Variants in CEP162 observed in about 807,000 individuals in gnomAD.
CEP162 encodes the protein centrosomal protein 162.
CEP162 carries 141 observed loss-of-function variants against 169.2 expected under a neutral mutation model. The observed-to-expected ratio is 0.83, with a 90% CI of 0.73 to 0.96. The LOEUF is 0.96. Among genes scored for constraint, CEP162 ranks in the 40% least tolerant of loss-of-function variants. CEP162 has a pLI of 0.00. For missense variants in CEP162, 1,600 were observed against 1,587.2 expected, an observed-to-expected ratio of 1.01 and a Z score of -0.14; for synonymous variants, 540 against 526.4, an observed-to-expected ratio of 1.03 and a Z score of -0.35.
intron 13 of CEP162, among the ~76,000 whole-genome samples, chr6:84,180,811 G>C (rs1448895284): frequency 6.6e-6 from 1 of 152,136 alleles, no homozygotes; most frequent in African/African-American, 2.4e-5. Flanking sequence ...CCTCTTCAAG[G>C]AGAACTACAA....
chr6:84,167,861 T>C (rs1222594467), intron 18 of CEP162, among the ~76,000 whole-genome samples: 1 of 152,100 alleles, frequency 6.6e-6, no homozygotes, highest in Non-Finnish European at 1.5e-5. Flanking sequence ...TTTTTCCTAA[T>C]CCACTATTTT....
chr6:84,160,928 T>A lies in CEP162; in HGVS notation c.2677-12A>T. 1 of 1,533,526 alleles carries A rather than the reference T, an allele frequency of 6.5e-7. No homozygotes were observed. The highest frequency in any genetic ancestry group is 9.0e-7 in the Non-Finnish European group (1 of 1,108,644). The allele number at this position is 1,533,526 out of a possible 1,614,324, so 95.0% of individuals were successfully genotyped here. Reference sequence around the variant, plus strand: ...TTCAGTTTCTCAATCTGTCAATAAATAAATAACATGTTAAGAAGCATATGT... The same window carrying A: ...TTCAGTTTCTCAATCTGTCAATAAAAAAATAACATGTTAAGAAGCATATGT... On this transcript the variant is annotated splice_polypyrimidine_tract_variant and intron_variant, in intron 20 of 26. Transcript: ENST00000403245.
chr6:84,175,200 T>C lies in CEP162; in HGVS notation c.1797+14A>G. 6.8e-7 allele frequency: 1 copy of C among 1,478,708 alleles called. No individual in the cohort carries two copies. Among genetic ancestry groups the C allele is most frequent in the South Asian group, 1.4e-5 (1 of 72,700 alleles). 91.6% of individuals were successfully genotyped at this position (1,478,708 alleles called of 1,614,324 possible). ...GAACATAAAACATTATGATTATTAATTTTGAATACCTACAGTCTGAAACTG... is the reference window on the plus strand; with the variant it reads ...GAACATAAAACATTATGATTATTAACTTTGAATACCTACAGTCTGAAACTG... On this transcript the variant is annotated intron_variant, in intron 14 of 26. Transcript: ENST00000403245.
intron 25 of CEP162, among the ~76,000 whole-genome samples, chr6:84,139,149 A>C (rs1301494807): frequency 6.6e-6 from 1 of 152,208 alleles, no homozygotes; most frequent in Non-Finnish European, 1.5e-5. Flanking sequence ...TTTCTGCCTA[A>C]AAGTAGGAAA....
At chr6:84,144,285 T>C (rs1269090190) in intron 25 of CEP162, among the ~76,000 whole-genome samples, 3 of 152,036 alleles carry the variant, frequency 2.0e-5, no homozygotes, top group East Asian at 1.9e-4. Flanking sequence ...TTTGTATGGA[T>C]ACGTTATTAA....
chr6:84,209,294 T>C (rs950674951), intron 6 of CEP162, among the ~76,000 whole-genome samples: 6 of 152,204 alleles, frequency 3.9e-5, no homozygotes, highest in Admixed American at 2.0e-4. Flanking sequence ...AGAACGGTGG[T>C]TGATATGTAA....
chr6:84,173,479 G>T (rs1485954632), intron 16 of CEP162, among the ~76,000 whole-genome samples: 1 of 152,114 alleles, frequency 6.6e-6, no homozygotes, highest in East Asian at 1.9e-4. Context: ...CACAGATGAA[G>T]AAACTGGATT....
At position 84,160,817 on chromosome 6, in the gene CEP162, G is replaced by T; in HGVS notation, c.2776C>A (p.Arg926=). 1 of 1,593,758 alleles carries T rather than the reference G, an allele frequency of 6.3e-7. No homozygotes were observed. The highest frequency in any genetic ancestry group is 8.6e-7 in the Non-Finnish European group (1 of 1,162,056). The change falls in exon 21 of 27, where the codon CGA becomes AGA. Residue 926 remains arginine (R), a synonymous_variant. Transcript: ENST00000403245. ...AATTTACCCTGAACACATACTTGTC[G>T]CTCCAGATCCTGAATTTTTTTGGCA... ...ADAKKIQDLE[R]QVKEMEGILK...
chr6:84,167,520 T>C (rs189901072), intron 18 of CEP162, among the ~76,000 whole-genome samples: 3 of 152,272 alleles, frequency 2.0e-5, no homozygotes, highest in Admixed American at 2.0e-4. Context: ...TTTCTCTAGG[T>C]TTTGTAATTT....
In CEP162 at chr6:84,163,166, T is replaced by G; in HGVS notation, c.2490A>C (p.Lys830Asn). 6.2e-7 allele frequency: 1 copy of G among 1,613,484 alleles called. No homozygotes were observed. The highest frequency in any genetic ancestry group is 8.5e-7 in the Non-Finnish European group (1 of 1,179,594). Residue 830 changes from lysine to asparagine, a missense_variant, in exon 19 of 27, where the codon AAA becomes AAC. Coordinates refer to ENST00000403245, the MANE Select transcript of CEP162 (RefSeq NM_014895.4). ...EKMKKERDQA[K>N]DQIAYVTGEK... ...TACCTGTGACATAAGCAATCTGATC[T>G]TTGGCTTGGTCCCTCTCTTTCTTCA...
At chr6:84,163,795 G>A (rs1469965343) in intron 18 of CEP162, among the ~76,000 whole-genome samples, 4 of 151,780 alleles carry the variant, frequency 2.6e-5, no homozygotes, top group Admixed American at 6.6e-5. Context: ...GTGAAACCAC[G>A]TCTCTACTAA....
chr6:84,205,617 T>C (rs1372974723), intron 6 of CEP162, among the ~76,000 whole-genome samples: 2 of 152,302 alleles, frequency 1.3e-5, no homozygotes, highest in Non-Finnish European at 2.9e-5. Flanking sequence ...AATATCATAC[T>C]GAATGGGCAA....
chr6:84,215,679 A>T, intron 4 of CEP162, 97 bp downstream of exon 4: 1 of 1,447,870 alleles, frequency 6.9e-7, no homozygotes, highest in Non-Finnish European at 9.2e-7. Context: ...ATCTGTCTAC[A>T]TGCTTCAGTA....
chr6:84,129,261 C>T (rs942815892), intron 25 of CEP162, among the ~76,000 whole-genome samples: 3 of 152,272 alleles, frequency 2.0e-5, no homozygotes, highest in Admixed American at 6.5e-5. Flanking sequence ...CTTGAGGAGT[C>T]GCCACACTGT....
At chr6:84,143,362 A>G (rs1312646956) in intron 25 of CEP162, among the ~76,000 whole-genome samples, 1 of 152,040 alleles carries the variant, frequency 6.6e-6, no homozygotes, top group South Asian at 2.1e-4. Context: ...TGTAGTTTTC[A>G]TAAGAAATTA....
chr6:84,165,073 C>A (rs1038182119), intron 18 of CEP162, among the ~76,000 whole-genome samples: 1 of 151,714 alleles, frequency 6.6e-6, no homozygotes, highest in East Asian at 2.0e-4. Flanking sequence ...TGCACTGTCT[C>A]TTCTGCTTGC....
At chr6:84,215,242 G>A (rs535913448) in intron 5 of CEP162, 40 bp downstream of exon 5, 1 of 1,175,536 alleles carries the variant, frequency 8.5e-7, no homozygotes, top group Admixed American at 3.1e-5. Context: ...CAAAAACATA[G>A]AAATCATAAA....
At chr6:84,150,098 C>T (rs187987378) in intron 23 of CEP162, among the ~76,000 whole-genome samples, 8 of 152,212 alleles carry the variant, frequency 5.3e-5, no homozygotes, top group African/African-American at 1.9e-4. Flanking sequence ...TCTCCAATGC[C>T]TTGTAGGCAG....
At chr6:84,185,501 T>C in intron 12 of CEP162, 53 bp from the exon 13 acceptor site, 1 of 1,457,538 alleles carries the variant, frequency 6.9e-7, no homozygotes, top group Non-Finnish European at 9.4e-7. Flanking sequence ...TTAACTATTG[T>C]TGTAAATGAA....
Sources: allele counts gnomAD v4.1 joint callset (sites outside exome capture counted in the v4.1 genomes callset), GRCh38; gene constraint gnomAD v4.1.1; transcripts MANE v1.5; gene names NCBI Gene and HGNC (gene_info 2026-07-23, HGNC 2026-07-21).